TCF12: variants seen among roughly 807,000 people sequenced by gnomAD.
The protein encoded by TCF12 is transcription factor 12.
Under a neutral mutation model 86.0 loss-of-function variants are expected in TCF12, and 45 were observed. The observed-to-expected ratio is 0.52, with a 90% confidence interval of 0.41 to 0.67. The LOEUF (loss-of-function observed/expected upper bound fraction) is 0.67. Ranked by LOEUF, TCF12 falls within the 30% of genes least tolerant of loss-of-function variation. The pLI, the probability that TCF12 is intolerant of heterozygous loss-of-function variation, is 0.00. For synonymous variants in TCF12, 330 were observed against 299.6 expected (o/e 1.10, Z -1.05); for missense variants, 881 against 859.9 (o/e 1.02, Z -0.31).
At chr15:57,027,169 C>G (rs1364530321) in intron 3 of TCF12, among the ~76,000 whole-genome samples, 1 of 152,106 alleles carries the variant, frequency 6.6e-6, no homozygotes, top group African/African-American at 2.4e-5. Context: ...TGTATATACT[C>G]TAATCAAGAT....
At chr15:56,919,464 G>A (rs981166181) in intron 1 of TCF12, 1 of 154,574 alleles carries the variant, frequency 6.5e-6, no homozygotes, top group South Asian at 2.0e-4. Flanking sequence ...GTTGCCGAGC[G>A]AGTGAGTCAC....
At chr15:57,011,666 A>G (rs754703025) in intron 3 of TCF12, among the ~76,000 whole-genome samples, 1 of 151,910 alleles carries the variant, frequency 6.6e-6, no homozygotes, top group Non-Finnish European at 1.5e-5. Flanking sequence ...TAACCAGCCC[A>G]CTGTCACCCC....
chr15:57,061,301 A>G (rs1003722064), intron 3 of TCF12, among the ~76,000 whole-genome samples: 1 of 152,138 alleles, frequency 6.6e-6, no homozygotes, highest in Admixed American at 6.5e-5. Flanking sequence ...TGTATTTAAA[A>G]TACATGCAAA....
chr15:57,014,189 A>G (rs1470245230), intron 3 of TCF12, among the ~76,000 whole-genome samples: 3 of 152,148 alleles, frequency 2.0e-5, no homozygotes, highest in Non-Finnish European at 4.4e-5. Flanking sequence ...CATAGTGTTG[A>G]TGTACCAGTC....
chr15:57,192,372 T>TG, intron 7 of TCF12, 79 bp downstream of exon 7: 1 of 1,510,502 alleles, frequency 6.6e-7, no homozygotes, highest in East Asian at 2.3e-5. Flanking sequence ...CTTCTGGCTA[T>TG]GCTTTTTTTT....
chr15:57,117,190 C>G (rs1183434237), intron 5 of TCF12, among the ~76,000 whole-genome samples: 1 of 151,950 alleles, frequency 6.6e-6, no homozygotes, highest in African/African-American at 2.4e-5. Context: ...CAGGTGTGCA[C>G]CACCATACCT....
chr15:57,083,843 A>T (rs2048463864), intron 4 of TCF12, among the ~76,000 whole-genome samples: 1 of 152,176 alleles, frequency 6.6e-6, no homozygotes, highest in Non-Finnish European at 1.5e-5. Context: ...GGCTTCCCAA[A>T]GTATTGGGAT....
intron 5 of TCF12, among the ~76,000 whole-genome samples, chr15:57,144,309 C>G (rs2053204403): frequency 6.6e-6 from 1 of 152,138 alleles, no homozygotes; most frequent in African/African-American, 2.4e-5. Flanking sequence ...AATTTGTTCA[C>G]TCTTAAAATG....
intron 12 of TCF12, among the ~76,000 whole-genome samples, chr15:57,235,481 T>C (rs1195493789): frequency 6.6e-6 from 1 of 152,228 alleles, no homozygotes; most frequent in African/African-American, 2.4e-5. Flanking sequence ...TAACCACTGC[T>C]GCATACATCC....
intron 3 of TCF12, among the ~76,000 whole-genome samples, chr15:56,972,087 A>T (rs1003054580): frequency 2.6e-5 from 4 of 152,226 alleles, no homozygotes; most frequent in African/African-American, 9.7e-5. Context: ...TTTTATCTCA[A>T]TAAAGCTGTT....
At chr15:57,146,592 G>A (rs933451099) in intron 5 of TCF12, among the ~76,000 whole-genome samples, 3 of 152,112 alleles carry the variant, frequency 2.0e-5, no homozygotes, top group Non-Finnish European at 2.9e-5. Flanking sequence ...ACACAAGGGG[G>A]CACTGTCTTA....
At chr15:56,924,865 A>G (rs1401500551) in intron 3 of TCF12, among the ~76,000 whole-genome samples, 3 of 152,188 alleles carry the variant, frequency 2.0e-5, no homozygotes, top group East Asian at 1.9e-4. Flanking sequence ...CAAGATTACA[A>G]CCATGAGTAT....
Position 57,231,151 on chromosome 15 carries a change from G to A in TCF12, c.580-1G>A. On this transcript the variant is annotated splice_acceptor_variant, in intron 8 of 20. Coordinates refer to ENST00000333725, the MANE Select transcript of TCF12 (RefSeq NM_207037.2). LOFTEE classifies it high-confidence loss of function. ...AATTAAATGTGCTGTTTAATTTTAA[G>A]GTATATGCACCATCCCCAAATTCAG... 1 of 1,604,960 alleles carries A rather than the reference G, an allele frequency of 6.2e-7. No homozygotes were observed. Among genetic ancestry groups the A allele is most frequent in the Non-Finnish European group, 8.5e-7 (1 of 1,172,410 alleles).
chr15:57,269,191 T>TA (rs1362614252), intron 18 of TCF12, among the ~76,000 whole-genome samples: 21 of 152,130 alleles, frequency 1.4e-4, no homozygotes, highest in African/African-American at 5.1e-4. Context: ...GAACTTGCTT[T>TA]ATGAATCTGG....
At chr15:57,074,469 A>G (rs1465477245) in intron 4 of TCF12, among the ~76,000 whole-genome samples, 4 of 151,668 alleles carry the variant, frequency 2.6e-5, no homozygotes, top group Middle Eastern at 3.5e-3. Context: ...ATGATGGACT[A>G]TTAGGGTTTT....
chr15:57,226,377 TTTG>T (rs1280558737), intron 8 of TCF12, among the ~76,000 whole-genome samples: 1 of 152,142 alleles, frequency 6.6e-6, no homozygotes, highest in Non-Finnish European at 1.5e-5. Context: ...GCCAAATAAT[TTTG>T]TTATGTTTTG....
intron 3 of TCF12, among the ~76,000 whole-genome samples, chr15:56,973,565 A>G (rs558893061): frequency 6.6e-6 from 1 of 152,286 alleles, no homozygotes; most frequent in Non-Finnish European, 1.5e-5. Flanking sequence ...TATAAAAGGA[A>G]CAATAGATTT....
upstream of TCF12, chr15:56,918,422 T>A: frequency 2.8e-6 from 1 of 356,266 alleles, no homozygotes. Context: ...GGGGCCTGCT[T>A]CTCGAGGTGC....
At chr15:57,006,094 C>G (rs752354904) in intron 3 of TCF12, among the ~76,000 whole-genome samples, 1 of 152,012 alleles carries the variant, frequency 6.6e-6, no homozygotes, top group East Asian at 1.9e-4. Flanking sequence ...GTCATAGTAC[C>G]ATTCATGTAC....
Sources: allele counts gnomAD v4.1 joint callset (sites outside exome capture counted in the v4.1 genomes callset), GRCh38; gene constraint gnomAD v4.1.1; transcripts MANE v1.5; gene names NCBI Gene and HGNC (gene_info 2026-07-23, HGNC 2026-07-21).